PCDHA8: variants seen among roughly 807,000 people sequenced by gnomAD.
The protein encoded by PCDHA8 is protocadherin alpha-8.
A neutral mutation model predicts 61.8 loss-of-function variants in PCDHA8; 53 were observed. The observed-to-expected ratio is 0.86, with a 90% confidence interval of 0.69 to 1.08. The LOEUF (loss-of-function observed/expected upper bound fraction) is 1.08. Ranked by LOEUF, PCDHA8 falls within the 50% of genes least tolerant of loss-of-function variation. PCDHA8 has a pLI of 0.00. For missense variants in PCDHA8, 1,293 were observed against 1,245.0 expected (o/e 1.04, Z -0.58); for synonymous variants, 618 against 556.6 (o/e 1.11, Z -1.55).
intron 1 of PCDHA8, among the ~76,000 whole-genome samples, chr5:140,885,682 A>G (rs1367880744): frequency 6.6e-6 from 1 of 152,194 alleles, no homozygotes; most frequent in Non-Finnish European, 1.5e-5. Flanking sequence ...TTCTATCTCA[A>G]GAAGCAATAG....
chr5:140,867,751 T>C (rs1280399942), intron 1 of PCDHA8: 2 of 152,116 alleles, frequency 1.3e-5, no homozygotes, highest in Non-Finnish European at 2.9e-5. Context: ...AGTTACAACT[T>C]CAGGCAAAGA....
chr5:140,950,107 A>G (rs1196740444), intron 1 of PCDHA8, among the ~76,000 whole-genome samples: 1 of 151,920 alleles, frequency 6.6e-6, no homozygotes, highest in Non-Finnish European at 1.5e-5. Context: ...ATTAAATCTC[A>G]TACAATACAA....
At chr5:140,905,351 TTGACTA>T (rs2071764307) in intron 1 of PCDHA8, among the ~76,000 whole-genome samples, 1 of 152,208 alleles carries the variant, frequency 6.6e-6, no homozygotes, top group Non-Finnish European at 1.5e-5. Context: ...CTGTAAGTAT[TTGACTA>T]TATTTCTGGT....
chr5:140,941,828 A>T (rs2093176954), intron 1 of PCDHA8, among the ~76,000 whole-genome samples: 1 of 152,218 alleles, frequency 6.6e-6, no homozygotes, highest in Non-Finnish European at 1.5e-5. Flanking sequence ...TGCTGTAAAT[A>T]ATTTAGGCTG....
At chr5:140,990,507 T>C (rs1554251511) in intron 3 of PCDHA8, among the ~76,000 whole-genome samples, 1 of 152,158 alleles carries the variant, frequency 6.6e-6, no homozygotes, top group East Asian at 1.9e-4. Context: ...CCCCAAGTCT[T>C]CTCTCTTGTC....
At chr5:140,887,125 C>G (rs1391575318) in intron 1 of PCDHA8, among the ~76,000 whole-genome samples, 3 of 150,080 alleles carry the variant, frequency 2.0e-5, no homozygotes. Context: ...GAGACGGAGT[C>G]TCACTCTGTC....
rs570244920 is a variant in PCDHA8, at chr5:140,897,293, A to G, written c.2394+53578A>G. Reference sequence around the variant, plus strand: ...GGTGTGCTGCACCCATTAACTCGTCATTTAGCATTAGGTATATCTCCTAAA... The same window carrying G: ...GGTGTGCTGCACCCATTAACTCGTCGTTTAGCATTAGGTATATCTCCTAAA... On this transcript the variant is annotated intron_variant, in intron 1 of 3. Transcript: ENST00000531613. Among the ~76,000 whole-genome samples the G allele has an allele frequency of 1.2e-4, 18 of 149,820 alleles. No homozygotes were observed. In the South Asian group the frequency reaches 3.5e-3, roughly 29 times the overall value.
chr5:140,941,207 C>CTTCCTTTCTTTCTT (rs1563185091), intron 1 of PCDHA8, among the ~76,000 whole-genome samples: 2 of 103,272 alleles, frequency 1.9e-5, no homozygotes, highest in African/African-American at 1.2e-4. Flanking sequence ...TTCTTCCTTT[C>CTTCCTTTCTTTCTT]TTTCTTCCTT....
chr5:140,848,363 A>C, intron 1 of PCDHA8: 1 of 1,078,860 alleles, frequency 9.3e-7, no homozygotes, highest in Non-Finnish European at 1.4e-6. Flanking sequence ...CCCATGGGAA[A>C]GAGGCTCAAT....
At chr5:140,928,610 C>T (rs935238036) in intron 1 of PCDHA8, 1 of 1,614,254 alleles carries the variant, frequency 6.2e-7, no homozygotes, top group Non-Finnish European at 8.5e-7. Flanking sequence ...GTGCCCCGCT[C>T]TGCCAGGACT....
At chr5:140,855,874 T>C (rs1554147980) in intron 1 of PCDHA8, 13 of 866,802 alleles carry the variant, frequency 1.5e-5, no homozygotes, top group East Asian at 2.6e-5. Flanking sequence ...GTCCACAAAA[T>C]AGCTTTTTAG....
Position 140,849,712 on chromosome 5 carries a change from C to T in PCDHA8, c.2394+5997C>T, listed in dbSNP as rs2150446144. 1.9e-6 allele frequency: 3 copies of T among 1,598,618 alleles called. No individual in the cohort carries two copies. On this transcript the variant is annotated intron_variant, in intron 1 of 3. Transcript: ENST00000531613. ...GTGTCCACCTACAAGAATTACTACT[C>T]GTTGGTGCTGGACAGAGCTCTGGAC... is the stretch of plus-strand genomic sequence containing the variant.
chr5:141,010,525 C>A lies in PCDHA8; in HGVS notation c.*588C>A. On this transcript the variant is annotated 3_prime_UTR_variant, in exon 4 of 4. Coordinates refer to ENST00000531613, the MANE Select transcript of PCDHA8 (RefSeq NM_018911.3). ...CTAAATCTTACAACTCAAGAGGTGG[C>A]AGCCACCCTCTAGGAGACAAAACTA... 1 of 436,454 alleles carries A rather than the reference C, an allele frequency of 2.3e-6. No homozygotes were observed. The highest frequency in any genetic ancestry group is 3.9e-6 in the Non-Finnish European group (1 of 256,874). 27.0% of individuals were successfully genotyped at this position (436,454 alleles called of 1,614,324 possible).
chr5:140,863,538 T>C (rs187152479), intron 1 of PCDHA8: 1 of 386,422 alleles, frequency 2.6e-6, no homozygotes, highest in Non-Finnish European at 5.0e-6. Flanking sequence ...ATTTTGGAGA[T>C]GGACTTCAAT....
chr5:140,948,240 T>C (rs1554218495), intron 1 of PCDHA8, among the ~76,000 whole-genome samples: 1 of 151,684 alleles, frequency 6.6e-6, no homozygotes, highest in East Asian at 1.9e-4. Flanking sequence ...TGTATTTTAG[T>C]AAATATTTTT....
At chr5:140,894,141 C>G (rs552932940) in intron 1 of PCDHA8, among the ~76,000 whole-genome samples, 169 of 152,150 alleles carry the variant, frequency 1.1e-3, no homozygotes, top group African/African-American at 3.9e-3. Context: ...AAATAATTCC[C>G]TTCTATGTAA....
chr5:140,875,261 G>T, intron 1 of PCDHA8: 1 of 1,130,462 alleles, frequency 8.8e-7, no homozygotes, highest in East Asian at 2.7e-5. Flanking sequence ...ACATGATGTC[G>T]CTCTACACTC....
intron 1 of PCDHA8, among the ~76,000 whole-genome samples, chr5:140,974,029 A>G (rs2096612369): frequency 6.6e-6 from 1 of 152,238 alleles, no homozygotes; most frequent in Admixed American, 6.5e-5. Flanking sequence ...ACAACTATAA[A>G]TTTAGCTTAT....
At chr5:140,880,958 G>T (rs1208694420) in intron 1 of PCDHA8, among the ~76,000 whole-genome samples, 1 of 152,010 alleles carries the variant, frequency 6.6e-6, no homozygotes, top group African/African-American at 2.4e-5. Flanking sequence ...GGATGATGAG[G>T]GTAAGAGAAT....
Sources: gnomAD v4.1 joint callset for allele counts (sites outside exome capture counted in the v4.1 genomes callset) on GRCh38, gnomAD v4.1.1 for gene constraint, MANE v1.5 for transcripts, NCBI Gene and HGNC (gene_info 2026-07-23, HGNC 2026-07-21) for gene names.